GNAL: variants seen among roughly 807,000 people sequenced by gnomAD.
GNAL encodes guanine nucleotide-binding protein G(olf) subunit alpha.
In GNAL, 18 loss-of-function variants were observed where a neutral mutation model predicts 55.1. The observed-to-expected ratio is 0.33, with a 90% CI of 0.23 to 0.48. The LOEUF (loss-of-function observed/expected upper bound fraction) is 0.48, where lower values mean the gene tolerates loss of function less well. Among genes scored for constraint, GNAL ranks in the 20% least tolerant of loss-of-function variants. The pLI is 0.99. For missense variants in GNAL, 412 were observed against 614.1 expected, an observed-to-expected ratio of 0.67 and a Z score of 3.48; for synonymous variants, 253 against 237.0, an observed-to-expected ratio of 1.07 and a Z score of -0.62.
intron 5 of GNAL, chr18:11,852,737 C>G (rs188714622): frequency 6.0e-6 from 1 of 166,392 alleles, no homozygotes; most frequent in Admixed American, 6.6e-5. Flanking sequence ...ATAATACTCT[C>G]TTACTGCTTA....
intron 5 of GNAL, among the ~76,000 whole-genome samples, chr18:11,855,902 G>A (rs2035996488): frequency 6.6e-6 from 1 of 150,790 alleles, no homozygotes; most frequent in African/African-American, 2.5e-5. Flanking sequence ...AACCCGGGAG[G>A]TGGAGGTTGC....
rs532297495 is a variant in GNAL at position 11,827,767 on chromosome 18, C to A, written c.722+2752C>A. The stretch of plus-strand genomic sequence containing the variant: ...TGGGCAGATCACGAGGTCAGGAGAT[C>A]GAGACCATCCTGGCTAACACAGTGA... On this transcript the variant is annotated intron_variant, in intron 5 of 11. Transcript: ENST00000334049. Among the ~76,000 whole-genome samples, 455 of 152,094 alleles carry A rather than the reference C, an allele frequency of 3.0e-3. 3 individuals are homozygous for A. Among genetic ancestry groups the A allele is most frequent in the African/African-American group, 0.011 (443 of 41,500 alleles).
Position 11,884,671 on chromosome 18 carries a change from C to G in GNAL, c.*3536C>G, listed in dbSNP as rs643652. On this transcript the variant is annotated 3_prime_UTR_variant, in exon 12 of 12. Coordinates refer to ENST00000334049, the MANE Select transcript of GNAL (RefSeq NM_182978.4). ...AGTTATGCTGAGAGCACCAGGCACA[C>G]GTTGAACACCGCAGTCTTAGAAACA... The G allele has an allele frequency of 0.57, 894,395 of 1,582,632 alleles. 257,439 individuals are homozygous for G. The highest frequency in any genetic ancestry group is 0.88 in the East Asian group (39,341 of 44,590).
chr18:11,787,355 T>A (rs2034088656), intron 4 of GNAL, among the ~76,000 whole-genome samples: 1 of 152,208 alleles, frequency 6.6e-6, no homozygotes, highest in Non-Finnish European at 1.5e-5. Flanking sequence ...TACATCACTT[T>A]TTTGGCAACA....
chr18:11,752,152 T>G lies in GNAL; in HGVS notation c.377-701T>G. On this transcript the variant is annotated intron_variant, in intron 1 of 11. Transcript: ENST00000334049. This position sits in a 1 kb window ranked among gnomAD's most constrained non-coding sequence, Gnocchi z 4.5. ...CCGGCGCCCTCGCCCCCCGTCTCCG[T>G]TCATTGTGCTGTATTCATCCAGCAG... 1 of 269,450 alleles carries G rather than the reference T, an allele frequency of 3.7e-6. No individual in the cohort carries two copies. The highest frequency in any genetic ancestry group is 6.4e-6 in the Non-Finnish European group (1 of 155,722). 16.7% of individuals were successfully genotyped at this position (269,450 alleles called of 1,614,324 possible).
At chr18:11,793,215 C>A (rs2034284540) in intron 4 of GNAL, among the ~76,000 whole-genome samples, 1 of 152,124 alleles carries the variant, frequency 6.6e-6, no homozygotes, top group African/African-American at 2.4e-5. Context: ...AGCAAAAAGA[C>A]AATCCACAGA....
chr18:11,812,476 G>T (rs2034841248), intron 4 of GNAL, among the ~76,000 whole-genome samples: 1 of 152,090 alleles, frequency 6.6e-6, no homozygotes, highest in African/African-American at 2.4e-5. Context: ...AACAAATACA[G>T]AGATCAATTG....
At chr18:11,712,718 CTTAG>C (rs2031866932) in intron 1 of GNAL, among the ~76,000 whole-genome samples, 1 of 152,188 alleles carries the variant, frequency 6.6e-6, no homozygotes, top group African/African-American at 2.4e-5. Flanking sequence ...AGCACGGATT[CTTAG>C]TTATTCAGTT....
At chr18:11,695,799 T>C (rs1312177947) in intron 1 of GNAL, among the ~76,000 whole-genome samples, 2 of 152,184 alleles carry the variant, frequency 1.3e-5, no homozygotes, top group African/African-American at 4.8e-5. Context: ...AAGGAAGCAA[T>C]CTCTTTGGGA....
chr18:11,752,622 G>A lies in GNAL; in HGVS notation c.377-231G>A. The A allele has an allele frequency of 6.5e-7, 1 of 1,542,752 alleles. No individual in the cohort carries two copies. The highest frequency in any genetic ancestry group is 8.7e-7 in the Non-Finnish European group (1 of 1,153,260). ...CGGCGGCTCCCGGCCCCAGCGGAGCGCACAGCCAGGAGCGGCGAGCGCCAG... is the reference window on the plus strand; with the variant it reads ...CGGCGGCTCCCGGCCCCAGCGGAGCACACAGCCAGGAGCGGCGAGCGCCAG... On this transcript the variant is annotated intron_variant, in intron 1 of 11. Transcript: ENST00000334049. This position sits in a 1 kb window ranked among gnomAD's most constrained non-coding sequence, Gnocchi z 4.5.
intron 4 of GNAL, among the ~76,000 whole-genome samples, chr18:11,781,493 A>G (rs1001854675): frequency 1.3e-5 from 2 of 152,254 alleles, no homozygotes; most frequent in African/African-American, 2.4e-5. Flanking sequence ...GAATAGAGAA[A>G]AAGCAGCATT....
intron 4 of GNAL, among the ~76,000 whole-genome samples, chr18:11,758,417 T>C (rs1458735626): frequency 6.6e-6 from 1 of 152,188 alleles, no homozygotes; most frequent in Non-Finnish European, 1.5e-5. Context: ...CGAGCTCACG[T>C]GATACAGTTA....
In GNAL at chr18:11,868,213, T is replaced by C. The variant is rs141526015; in HGVS notation, c.911-330T>C. 4.1e-3 allele frequency among the ~76,000 whole-genome samples: 617 copies of C among 151,894 alleles called. 4 individuals carry two copies. Among genetic ancestry groups the C allele is most frequent in the African/African-American group, 0.014 (587 of 41,394 alleles). On this transcript the variant is annotated intron_variant, in intron 8 of 11. Coordinates refer to ENST00000334049, the MANE Select transcript of GNAL (RefSeq NM_182978.4). This position sits in a 1 kb window ranked among gnomAD's most constrained non-coding sequence, Gnocchi z 4.0. ...TACTAGGGAGGCTGAGGCAGGAGAA[T>C]CACTTGAACCTGGGAGGCGGAAGTT...
intron 4 of GNAL, among the ~76,000 whole-genome samples, chr18:11,821,646 A>G (rs1241794591): frequency 6.6e-6 from 1 of 152,248 alleles, no homozygotes; most frequent in Admixed American, 6.5e-5. Context: ...GCCTGAAGGA[A>G]TGAGCTGAGG....
intron 4 of GNAL, among the ~76,000 whole-genome samples, chr18:11,770,332 G>A (rs1308281768): frequency 2.6e-5 from 4 of 151,984 alleles, no homozygotes; most frequent in Non-Finnish European, 5.9e-5. Context: ...TTATTCTTCA[G>A]AAACATCTGA....
intron 4 of GNAL, among the ~76,000 whole-genome samples, chr18:11,817,742 CAA>C (rs1230443283): frequency 2.3e-4 from 35 of 151,592 alleles, no homozygotes; most frequent in African/African-American, 5.8e-4. Context: ...GTGCGTGCCA[CAA>C]CACCGGGCTA....
chr18:11,824,787 A>G (rs1289401147), intron 4 of GNAL, 131 bp from the exon 5 acceptor site: 3 of 591,224 alleles, frequency 5.1e-6, no homozygotes, highest in African/African-American at 1.9e-5. Context: ...GCATTTTACT[A>G]TGCAGACTTC....
chr18:11,805,821 T>A (rs1433625279), intron 4 of GNAL, among the ~76,000 whole-genome samples: 1 of 152,224 alleles, frequency 6.6e-6, no homozygotes, highest in Non-Finnish European at 1.5e-5. Flanking sequence ...TGAGTGTAGG[T>A]ATCTTTTTGA....
intron 1 of GNAL, among the ~76,000 whole-genome samples, chr18:11,694,534 G>T (rs1450847441): frequency 2.6e-5 from 4 of 152,170 alleles, no homozygotes; most frequent in African/African-American, 9.7e-5. Context: ...GTGCAGAGGT[G>T]GGATGGAACT....
Sources: gnomAD v4.1 joint callset for allele counts (sites outside exome capture counted in the v4.1 genomes callset) on GRCh38, gnomAD v4.1.1 for gene constraint, Gnocchi (gnomAD v3.1) non-coding constraint, MANE v1.5 for transcripts, NCBI Gene and HGNC (gene_info 2026-07-23, HGNC 2026-07-21) for gene names.